Variants in HMGXB3 observed in about 807,000 individuals in gnomAD.
HMGXB3 encodes the protein HMG domain-containing protein 3.
Under a neutral mutation model 121.5 loss-of-function variants are expected in HMGXB3, and 45 were observed. That is an observed-to-expected ratio of 0.37 (90% CI 0.29 to 0.47). The LOEUF (loss-of-function observed/expected upper bound fraction) is 0.47, where lower values mean the gene tolerates loss of function less well. Ranked by LOEUF, HMGXB3 falls within the 20% of genes least tolerant of loss-of-function variation. HMGXB3 has a pLI of 0.99. For missense variants in HMGXB3, 1,376 were observed against 1,602.2 expected (o/e 0.86, Z 2.41); for synonymous variants, 590 against 624.1 (o/e 0.95, Z 0.81).
chr5:150,044,039 C>T (rs1396921452), intron 15 of HMGXB3, among the ~76,000 whole-genome samples: 1 of 152,218 alleles, frequency 6.6e-6, no homozygotes, highest in East Asian at 1.9e-4. Context: ...CTGTCCCAAT[C>T]AAGGCTCCTC....
At chr5:150,002,798 G>C (rs1310265413) in intron 1 of HMGXB3, among the ~76,000 whole-genome samples, 1 of 151,700 alleles carries the variant, frequency 6.6e-6, no homozygotes, top group Non-Finnish European at 1.5e-5. Context: ...TCAGATGACT[G>C]TTTAGATCTG....
chr5:150,052,449 A>G lies in HMGXB3; in HGVS notation c.*257A>G. On this transcript the variant is annotated 3_prime_UTR_variant, in exon 20 of 20. Transcript: ENST00000502717. ...AGCACTTGGGGGACACGGTATGTTT[A>G]ATGGAGGGGAGGCTGAGGGAAAGGC... The G allele has an allele frequency of 4.2e-6, 2 of 470,818 alleles. No individual in the cohort carries two copies. Among genetic ancestry groups the G allele is most frequent in the East Asian group, 3.5e-5 (1 of 28,454 alleles). 29.2% of individuals were successfully genotyped at this position (470,818 alleles called of 1,614,324 possible).
chr5:150,019,323 A>G (rs1428847135), intron 6 of HMGXB3, among the ~76,000 whole-genome samples: 1 of 152,088 alleles, frequency 6.6e-6, no homozygotes, highest in Non-Finnish European at 1.5e-5. Flanking sequence ...TTTTTATTTA[A>G]CACTCATCAT....
rs531169555 is a variant in HMGXB3, at chr5:150,001,095, C to G, written c.-87C>G. 1 of 154,252 alleles carries G rather than the reference C, an allele frequency of 6.5e-6. No individual in the cohort carries two copies. Among genetic ancestry groups the G allele is most frequent in the Non-Finnish European group, 1.5e-5 (1 of 68,256 alleles). 9.6% of individuals were successfully genotyped at this position (154,252 alleles called of 1,614,324 possible). A position where few individuals can be genotyped will look rare whatever the true frequency, so the allele number is the denominator to read the frequency against. ...CGCCTCTCGCCGACAGCGGGGAGCG[C>G]GAGTGCGCCAGCCATCCCCCTCGTC... On this transcript the variant is annotated 5_prime_UTR_variant, in exon 1 of 20. Coordinates refer to ENST00000502717, the MANE Select transcript of HMGXB3 (RefSeq NM_014983.3).
intron 16 of HMGXB3, 165 bp from the exon 17 acceptor site, chr5:150,047,459 A>T (rs995783182): frequency 5.5e-6 from 4 of 727,764 alleles, no homozygotes; most frequent in Non-Finnish European, 2.2e-6. Flanking sequence ...AATAGACTTC[A>T]AATATCTGCA....
At position 150,052,502 on chromosome 5, in the gene HMGXB3, G is replaced by A. The variant is rs1561895831; in HGVS notation, c.*310G>A. 1 of 357,518 alleles carries A rather than the reference G, an allele frequency of 2.8e-6. No individual in the cohort carries two copies. The highest frequency in any genetic ancestry group is 5.2e-6 in the Non-Finnish European group (1 of 192,304). 22.1% of individuals were successfully genotyped at this position (357,518 alleles called of 1,614,324 possible). On this transcript the variant is annotated 3_prime_UTR_variant, in exon 20 of 20. Transcript: ENST00000502717. ...GTAGCTGGTGGGTTCCGTGGGGCCT[G>A]CGGTGTGGGTCAGGGTGGAGGTCCT...
Position 150,041,987 on chromosome 5 carries a change from A to G in HMGXB3, c.2730+18A>G, listed in dbSNP as rs1456063666. The G allele has an allele frequency of 3.2e-6, 5 of 1,541,406 alleles. No individual in the cohort carries two copies. Among genetic ancestry groups the G allele is most frequent in the Middle Eastern group, 1.7e-4 (1 of 5,970 alleles). ...GCGTGGAGGTAAGTGCCTCTTAGCC[A>G]CCGTGAGGGACCTGCGGAATTTTCT... On this transcript the variant is annotated intron_variant, in intron 15 of 19. Transcript: ENST00000502717.
intron 6 of HMGXB3, among the ~76,000 whole-genome samples, chr5:150,022,496 A>C (rs1221165834): frequency 6.6e-6 from 1 of 152,196 alleles, no homozygotes; most frequent in African/African-American, 2.4e-5. Flanking sequence ...TAACATCTAA[A>C]ATGAGTAGGC....
chr5:150,003,318 G>C (rs1222296239), intron 1 of HMGXB3, among the ~76,000 whole-genome samples: 2 of 152,148 alleles, frequency 1.3e-5, no homozygotes. Context: ...TGCCAGTAGA[G>C]ATGGATAGCA....
rs1168471687 is a variant in HMGXB3, at chr5:150,026,862, G to A, written c.1617G>A (p.Arg539=). ...RGSSMGLPRA[R]QAFSLSDKTP... The stretch of plus-strand genomic sequence containing the variant: ...GCAGCATGGGACTGCCCAGGGCCAG[G>A]CAGGCCTTTTCCCTGAGTGGTAAGG... Residue 539 remains arginine, a synonymous_variant, in exon 8 of 20, where the codon AGG becomes AGA. Transcript: ENST00000502717. The A allele has an allele frequency of 7.9e-6, 12 of 1,514,374 alleles. No homozygotes were observed. The highest frequency in any genetic ancestry group is 1.1e-5 in the Non-Finnish European group (12 of 1,129,572). 93.8% of individuals were successfully genotyped at this position (1,514,374 alleles called of 1,614,324 possible).
At chr5:150,022,817 C>CT (rs11388244) in intron 6 of HMGXB3, among the ~76,000 whole-genome samples, 60,026 of 119,840 alleles carry the variant, frequency 0.5, 17,136 homozygotes, top group Non-Finnish European at 0.63. Flanking sequence ...GTTACTGGCT[C>CT]TTTTTTTTTT....
chr5:150,016,357 AAAAAGG>A (rs1209733876), intron 5 of HMGXB3, among the ~76,000 whole-genome samples: 6 of 149,932 alleles, frequency 4.0e-5, no homozygotes, highest in South Asian at 2.1e-4. Context: ...AAAAAAAAAA[AAAAAGG>A]AGGTGACATT....
chr5:150,040,878 A>G lies in HMGXB3; in HGVS notation c.2544A>G (p.Thr848=), dbSNP rs1756615115. The G allele has an allele frequency of 1.1e-5, 17 of 1,546,070 alleles. No individual in the cohort carries two copies. Among genetic ancestry groups the G allele is most frequent in the Non-Finnish European group, 1.4e-5 (16 of 1,145,074 alleles). ...TTCTGAAGTCGGTGCAGGAGCAGAC[A>G]GGTAAAAGTTGTTTTCTTCCCTTTC... The part of the protein sequence containing the change: ...NVVLKSVQEQ[T]EKTLTSEELS... Residue 848 remains threonine (T), a splice_region_variant and synonymous_variant, in exon 14 of 20, where the codon ACA becomes ACG. Coordinates refer to ENST00000502717, the MANE Select transcript of HMGXB3 (RefSeq NM_014983.3).
intron 5 of HMGXB3, among the ~76,000 whole-genome samples, chr5:150,016,631 A>G (rs1395814269): frequency 2.0e-5 from 3 of 152,196 alleles, no homozygotes; most frequent in Admixed American, 2.0e-4. Flanking sequence ...TTATATCTAC[A>G]TAAAGTGTTT....
At position 150,052,046 on chromosome 5, in the gene HMGXB3, A is replaced by G; in HGVS notation, c.3733A>G (p.Asn1245Asp). Residue 1245 changes from asparagine (N) to aspartate (D), a missense_variant, in exon 20 of 20, where the codon AAT becomes GAT. Asn to Asp is a conservative substitution (Grantham distance 23). This residue lies in a region of HMGXB3 where 260 missense variants were observed against 233.2 expected (regional missense o/e 1.11). Transcript: ENST00000502717. ...MDFLTSREIVNRQIHDIVQSC... is the reference protein window; with the variant it reads ...MDFLTSREIVDRQIHDIVQSC... Reference sequence around the variant, plus strand: ...CTTCCTCACCAGCCGCGAAATTGTCAATCGTCAGATCCATGACATTGTACA... The same window carrying G: ...CTTCCTCACCAGCCGCGAAATTGTCGATCGTCAGATCCATGACATTGTACA... 1.3e-6 allele frequency: 2 copies of G among 1,552,032 alleles called. No homozygotes were observed. The highest frequency in any genetic ancestry group is 1.7e-6 in the Non-Finnish European group (2 of 1,147,060).
chr5:150,043,281 G>A (rs756088664), intron 15 of HMGXB3, among the ~76,000 whole-genome samples: 1 of 151,662 alleles, frequency 6.6e-6, no homozygotes, highest in Non-Finnish European at 1.5e-5. Context: ...ACTTTTCCCT[G>A]TGATCATGCT....
chr5:150,007,234 G>A (rs1755724240), intron 3 of HMGXB3, among the ~76,000 whole-genome samples: 1 of 152,218 alleles, frequency 6.6e-6, no homozygotes, highest in Admixed American at 6.5e-5. Flanking sequence ...TAACAAGGAA[G>A]CATTTAGAAT....
intron 6 of HMGXB3, among the ~76,000 whole-genome samples, chr5:150,019,646 A>G (rs1756042391): frequency 6.6e-6 from 1 of 152,250 alleles, no homozygotes; most frequent in Non-Finnish European, 1.5e-5. Context: ...AAGGTATTAT[A>G]GAAGAGAGAG....
chr5:150,031,851 G>A (rs1431635395), intron 10 of HMGXB3, among the ~76,000 whole-genome samples: 6 of 152,092 alleles, frequency 3.9e-5, no homozygotes, highest in Non-Finnish European at 8.8e-5. Context: ...GATCCATAAG[G>A]AGAATGTGTC....
Sources: allele counts gnomAD v4.1 joint callset (sites outside exome capture counted in the v4.1 genomes callset), GRCh38; gene constraint gnomAD v4.1.1; regional missense constraint gnomAD v4.1.1; transcripts MANE v1.5; gene names NCBI Gene and HGNC (gene_info 2026-07-23, HGNC 2026-07-21).